Variants in GRIK1 observed in about 807,000 individuals in gnomAD.
GRIK1 encodes the protein glutamate ionotropic receptor kainate type subunit 1, also known as glutamate receptor ionotropic, kainate 1.
Under a neutral mutation model 105.7 loss-of-function variants are expected in GRIK1, and 69 were observed. That is an observed-to-expected ratio of 0.65 (90% CI 0.54 to 0.80). GRIK1 has a LOEUF of 0.80. GRIK1 is among the 30% of genes least tolerant of loss of function. The probability of loss-of-function intolerance (pLI) is 0.00; values close to 1 mark genes in which losing one functional copy is unlikely to be tolerated. For synonymous variants in GRIK1, 438 were observed against 431.3 expected (o/e 1.02, Z -0.19); for missense variants, 1,109 against 1,167.3 (o/e 0.95, Z 0.73).
chr21:29,538,617 A>C (rs1337585215), intron 16 of GRIK1, among the ~76,000 whole-genome samples: 1 of 152,158 alleles, frequency 6.6e-6, no homozygotes, highest in Non-Finnish European at 1.5e-5. Context: ...CCTTTGGTAA[A>C]GGTTATAGAA....
chr21:29,598,515 T>G (rs1185601367), intron 8 of GRIK1, among the ~76,000 whole-genome samples: 1 of 152,224 alleles, frequency 6.6e-6, no homozygotes, highest in Non-Finnish European at 1.5e-5. Context: ...AAACTCAATT[T>G]GTTAAAAGCT....
Position 29,593,166 on chromosome 21 carries a change from G to A in GRIK1, c.1252-1941C>T, listed in dbSNP as rs77806645. 2.2e-3 allele frequency among the ~76,000 whole-genome samples: 331 copies of A among 152,282 alleles called. 2 individuals carry two copies. The highest frequency in any genetic ancestry group is 7.6e-3 in the African/African-American group (316 of 41,562). ...GTTTTATTTCCTATACTTAATGAGG[G>A]TTAGTTGACTGGAGAAATAAAGAGA... On this transcript the variant is annotated intron_variant, in intron 9 of 17. Transcript: ENST00000327783.
chr21:29,719,325 C>A (rs892917935), intron 1 of GRIK1, among the ~76,000 whole-genome samples: 3 of 151,646 alleles, frequency 2.0e-5, no homozygotes, highest in African/African-American at 7.3e-5. Flanking sequence ...ATCACCCACC[C>A]AAGACTTGAG....
chr21:29,870,339 G>C (rs187293859), intron 1 of GRIK1, among the ~76,000 whole-genome samples: 2 of 151,934 alleles, frequency 1.3e-5, no homozygotes, highest in African/African-American at 4.8e-5. Context: ...CCCAACAGCA[G>C]GAACAAGATT....
At chr21:29,862,089 T>G (rs2068661088) in intron 1 of GRIK1, among the ~76,000 whole-genome samples, 2 of 152,108 alleles carry the variant, frequency 1.3e-5, no homozygotes, top group African/African-American at 4.8e-5. Flanking sequence ...TGTACTCAAG[T>G]GATTCTCCCA....
intron 1 of GRIK1, chr21:29,763,906 A>G (rs190504417): frequency 1.3e-5 from 2 of 151,890 alleles, no homozygotes; most frequent in Admixed American, 1.3e-4. Context: ...CTGCTGATTC[A>G]GAAAGAGATG....
chr21:29,931,979 A>G (rs2071583033), intron 1 of GRIK1, among the ~76,000 whole-genome samples: 1 of 152,200 alleles, frequency 6.6e-6, no homozygotes, highest in Non-Finnish European at 1.5e-5. Context: ...GGTAATAATA[A>G]CAATTAACCA....
At chr21:29,608,213 G>A (rs1047063968) in intron 7 of GRIK1, among the ~76,000 whole-genome samples, 2 of 152,118 alleles carry the variant, frequency 1.3e-5, no homozygotes, top group Non-Finnish European at 2.9e-5. Context: ...AAGAATGTAT[G>A]TGTCTCTAGG....
intron 1 of GRIK1, among the ~76,000 whole-genome samples, chr21:29,770,264 C>T (rs9974336): frequency 0.072 from 10,981 of 152,282 alleles, 448 homozygotes; most frequent in Non-Finnish European, 0.081. Context: ...TCAGCTTCAT[C>T]GAGTTAAATG....
At chr21:29,773,682 A>G (rs1434974736) in intron 1 of GRIK1, among the ~76,000 whole-genome samples, 3 of 152,148 alleles carry the variant, frequency 2.0e-5, no homozygotes, top group African/African-American at 7.2e-5. Flanking sequence ...AAAACGATAA[A>G]AATGTGTACA....
chr21:29,634,697 C>T (rs1420891043), intron 7 of GRIK1, among the ~76,000 whole-genome samples: 1 of 152,116 alleles, frequency 6.6e-6, no homozygotes, highest in Non-Finnish European at 1.5e-5. Flanking sequence ...GATACACCCT[C>T]CAGCAGAGGT....
intron 3 of GRIK1, among the ~76,000 whole-genome samples, chr21:29,677,758 C>T (rs1249327166): frequency 2.6e-5 from 4 of 152,102 alleles, no homozygotes. Context: ...GGTGTCAGTG[C>T]TATTTTACAG....
At chr21:29,855,773 G>C (rs1011564417) in intron 1 of GRIK1, among the ~76,000 whole-genome samples, 1 of 152,160 alleles carries the variant, frequency 6.6e-6, no homozygotes, top group Non-Finnish European at 1.5e-5. Context: ...CCAGATGAGA[G>C]GATGGTGATG....
intron 1 of GRIK1, among the ~76,000 whole-genome samples, chr21:29,855,820 T>C (rs1213082885): frequency 6.6e-6 from 1 of 152,160 alleles, no homozygotes; most frequent in African/African-American, 2.4e-5. Flanking sequence ...GTGATGTTTT[T>C]GGAGACACGA....
intron 1 of GRIK1, among the ~76,000 whole-genome samples, chr21:29,812,916 A>G (rs1378773910): frequency 6.6e-6 from 1 of 152,192 alleles, no homozygotes; most frequent in Non-Finnish European, 1.5e-5. Context: ...GAGTATACAA[A>G]CATAATGAAT....
rs187122424 is a variant in GRIK1 at position 29,584,122 on chromosome 21, A to G, written c.1794-2579T>C. Among the ~76,000 whole-genome samples, 26 of 152,338 alleles carry G rather than the reference A, an allele frequency of 1.7e-4. No homozygotes were observed. The East Asian group carries it at 2.9e-3, about 17-fold the overall frequency. On this transcript the variant is annotated intron_variant, in intron 12 of 17. Transcript: ENST00000327783. Reference sequence around the variant, plus strand: ...TTCTGCCTGGCTTACACTTGAAGATATAAAACAAGCTCACACTGAAGTTTT... The same window carrying G: ...TTCTGCCTGGCTTACACTTGAAGATGTAAAACAAGCTCACACTGAAGTTTT...
chr21:29,610,987 G>A (rs2061718844), intron 7 of GRIK1, among the ~76,000 whole-genome samples: 1 of 152,072 alleles, frequency 6.6e-6, no homozygotes, highest in South Asian at 2.1e-4. Flanking sequence ...TCAGGTCTAA[G>A]CACAATGACA....
chr21:29,729,675 T>C (rs760979188), intron 1 of GRIK1, among the ~76,000 whole-genome samples: 51 of 152,178 alleles, frequency 3.4e-4, no homozygotes, highest in Admixed American at 3.1e-3. Context: ...GTCCTGAAAC[T>C]TCATTTATCC....
chr21:29,623,120 G>A (rs906387861), intron 7 of GRIK1, among the ~76,000 whole-genome samples: 1 of 152,092 alleles, frequency 6.6e-6, no homozygotes, highest in Non-Finnish European at 1.5e-5. Context: ...TAATGGTCTC[G>A]CAGTTCCACA....
Sources: gnomAD v4.1 joint callset for allele counts (sites outside exome capture counted in the v4.1 genomes callset) on GRCh38, gnomAD v4.1.1 for gene constraint, MANE v1.5 for transcripts, NCBI Gene and HGNC (gene_info 2026-07-23, HGNC 2026-07-21) for gene names.